Variants in RNF145 observed in about 807,000 individuals in gnomAD.
The protein encoded by RNF145 is ring finger protein 145.
Under a neutral mutation model 57.3 loss-of-function variants are expected in RNF145, and 12 were observed. That is an observed-to-expected ratio of 0.21 (90% CI 0.13 to 0.34). RNF145 has a LOEUF of 0.34. RNF145 is among the 10% of genes least tolerant of loss of function. The probability of loss-of-function intolerance (pLI) is 1.00; values close to 1 mark genes in which losing one functional copy is unlikely to be tolerated. For synonymous variants in RNF145, 262 were observed against 288.3 expected (o/e 0.91, Z 0.92); for missense variants, 429 against 799.0 (o/e 0.54, Z 5.58).
chr5:159,174,584 C>A (rs1375076304), intron 5 of RNF145, among the ~76,000 whole-genome samples: 1 of 152,058 alleles, frequency 6.6e-6, no homozygotes, highest in Non-Finnish European at 1.5e-5. Flanking sequence ...AGGGTTTATT[C>A]AGAAATGTCA....
chr5:159,161,356 G>A lies in RNF145; in HGVS notation c.1536C>T (p.Arg512=), dbSNP rs375053984. The part of the protein sequence containing the change: ...AQLGWKSFLL[R]RDAVNKIKSL... ...ATTTAATCTTATTCACAGCATCCCT[G>A]CGGAGAAGAAAGCTCTTCCACCCCA... The change falls in exon 10 of 11, where the codon CGC becomes CGT. Residue 512 remains arginine, a synonymous_variant. Transcript: ENST00000424310. 1 of 1,613,962 alleles carries A rather than the reference G, an allele frequency of 6.2e-7. No homozygotes were observed. The highest frequency in any genetic ancestry group is 8.5e-7 in the Non-Finnish European group (1 of 1,179,994).
intron 3 of RNF145, among the ~76,000 whole-genome samples, chr5:159,192,039 C>G (rs1285232632): frequency 6.7e-6 from 1 of 148,184 alleles, no homozygotes; most frequent in African/African-American, 2.5e-5. Flanking sequence ...AACCAAGAAT[C>G]GAAAATATTC....
intron 3 of RNF145, among the ~76,000 whole-genome samples, chr5:159,186,180 T>C (rs1177116274): frequency 1.3e-5 from 2 of 151,644 alleles, no homozygotes; most frequent in South Asian, 2.1e-4. Context: ...TGAGCCAAGA[T>C]TGCACCACTG....
intron 1 of RNF145, chr5:159,207,807 A>C: frequency 6.2e-7 from 1 of 1,614,130 alleles, no homozygotes; most frequent in Non-Finnish European, 8.5e-7. Flanking sequence ...CATCTCCCAA[A>C]CCGCAAAGAC....
chr5:159,170,770 T>C (rs762208931), intron 6 of RNF145, among the ~76,000 whole-genome samples: 3 of 152,154 alleles, frequency 2.0e-5, no homozygotes, highest in Non-Finnish European at 4.4e-5. Flanking sequence ...AATTTATTCT[T>C]TATACAGACA....
chr5:159,192,087 C>T (rs1386209063), intron 3 of RNF145, among the ~76,000 whole-genome samples: 1 of 150,748 alleles, frequency 6.6e-6, no homozygotes, highest in Admixed American at 6.6e-5. Context: ...TAAACATGTA[C>T]AGACTTTTTT....
chr5:159,182,917 A>G (rs929227731), intron 3 of RNF145, among the ~76,000 whole-genome samples: 5 of 152,158 alleles, frequency 3.3e-5, no homozygotes, highest in African/African-American at 1.2e-4. Flanking sequence ...AGAACATTTC[A>G]AGTATTTCCA....
At chr5:159,172,475 G>A (rs573923309) in intron 6 of RNF145, among the ~76,000 whole-genome samples, 17 of 150,232 alleles carry the variant, frequency 1.1e-4, no homozygotes, top group African/African-American at 4.2e-4. Context: ...GCCAGATTCC[G>A]TCTCAAAAAA....
In RNF145 at chr5:159,207,218, C is replaced by G. The variant is rs187386145; in HGVS notation, c.-40+2013G>C. Among the ~76,000 whole-genome samples the G allele has an allele frequency of 1.2e-3, 177 of 152,130 alleles. 1 individual carries two copies. The highest frequency in any genetic ancestry group is 4.0e-3 in the African/African-American group (167 of 41,484). On this transcript the variant is annotated intron_variant, in intron 1 of 10. Transcript: ENST00000424310. ...ATTTTAGTTTTGAATATGAAGAAAC[C>G]AAACAAATCGTCCTGAATAAGAAAA...
At chr5:159,171,811 A>G (rs1258847776) in intron 6 of RNF145, among the ~76,000 whole-genome samples, 1 of 152,184 alleles carries the variant, frequency 6.6e-6, no homozygotes, top group Non-Finnish European at 1.5e-5. Context: ...ATAAGAACAG[A>G]GAATAACTCT....
intron 6 of RNF145, among the ~76,000 whole-genome samples, chr5:159,172,574 T>C (rs1239874329): frequency 6.6e-6 from 1 of 152,194 alleles, no homozygotes. Flanking sequence ...CGTTAAAATG[T>C]ATTTGAATTT....
In RNF145 at chr5:159,188,218, T is replaced by TA. The variant is rs35742473; in HGVS notation, c.294-6168dup. Reference sequence around the variant, plus strand: ...TAACATGGTGAAACCCCATCTCTACTAAAAAAAAAATACAAAAAATTAGCT... The same window carrying TA: ...TAACATGGTGAAACCCCATCTCTACTAAAAAAAAAAATACAAAAAATTAGCT... On this transcript the variant is annotated intron_variant, in intron 3 of 10. Coordinates refer to ENST00000424310, the MANE Select transcript of RNF145 (RefSeq NM_001199383.2). Among the ~76,000 whole-genome samples the TA allele has an allele frequency of 8.8e-4, 131 of 148,426 alleles. 1 individual carries two copies. The highest frequency in any genetic ancestry group is 2.2e-3 in the East Asian group (11 of 5,064).
At chr5:159,180,225 T>A (rs1348287440) in intron 4 of RNF145, among the ~76,000 whole-genome samples, 1 of 152,088 alleles carries the variant, frequency 6.6e-6, no homozygotes, top group African/African-American at 2.4e-5. Context: ...CTGGACCCTT[T>A]TATGGGTTCT....
At chr5:159,189,945 TATGAAGTTTCTTTCTGGGGTG>T (rs1489122058) in intron 3 of RNF145, among the ~76,000 whole-genome samples, 18 of 152,042 alleles carry the variant, frequency 1.2e-4, no homozygotes, top group Non-Finnish European at 1.3e-4. Flanking sequence ...TGCTAATGGG[TATGAAGTTTCTTTCTGGGGTG>T]ATGAAAATCT....
At chr5:159,182,374 C>T (rs1784921697) in intron 3 of RNF145, among the ~76,000 whole-genome samples, 1 of 152,154 alleles carries the variant, frequency 6.6e-6, no homozygotes, top group African/African-American at 2.4e-5. Context: ...AACTCTACTA[C>T]ACTAACCAAT....
At chr5:159,168,265 T>C (rs1784448009) in intron 8 of RNF145, among the ~76,000 whole-genome samples, 1 of 152,172 alleles carries the variant, frequency 6.6e-6, no homozygotes, top group Admixed American at 6.5e-5. Context: ...CAATAAAATA[T>C]AGAGAGTTTA....
chr5:159,167,537 AAATT>A (rs564952030), intron 8 of RNF145, among the ~76,000 whole-genome samples: 546 of 152,330 alleles, frequency 3.6e-3, no homozygotes, highest in African/African-American at 8.6e-3. Context: ...AATATATACT[AAATT>A]AATTAGTGTA....
intron 8 of RNF145, among the ~76,000 whole-genome samples, chr5:159,165,077 T>C (rs192125392): frequency 4.6e-5 from 7 of 152,084 alleles, no homozygotes; most frequent in Admixed American, 3.9e-4. Context: ...TGATTGACGA[T>C]GTACTGTCAT....
intron 7 of RNF145, 85 bp from the exon 8 acceptor site, chr5:159,169,140 C>T: frequency 3.7e-6 from 4 of 1,075,112 alleles, no homozygotes; most frequent in Non-Finnish European, 3.9e-6. Context: ...AAGGCTTAGA[C>T]TCTTGTTACA....
Sources: allele counts gnomAD v4.1 joint callset (sites outside exome capture counted in the v4.1 genomes callset), GRCh38; gene constraint gnomAD v4.1.1; transcripts MANE v1.5; gene names NCBI Gene and HGNC (gene_info 2026-07-23, HGNC 2026-07-21).